The following RGSL1 variants were observed in gnomAD, a reference collection of about 807,000 sequenced individuals.
The protein encoded by RGSL1 is regulator of G protein signaling like 1, also known as regulator of G protein signaling protein-like.
In RGSL1, 97 loss-of-function variants were observed where a neutral mutation model predicts 124.7. That is an observed-to-expected ratio of 0.78 (90% CI 0.66 to 0.92). The LOEUF is 0.92. Among genes scored for constraint, RGSL1 ranks in the 40% least tolerant of loss-of-function variants. The pLI, the probability that RGSL1 is intolerant of heterozygous loss-of-function variation, is 0.00. For missense variants in RGSL1, 1,233 were observed against 1,288.4 expected (o/e 0.96, Z 0.66); for synonymous variants, 424 against 438.1 (o/e 0.97, Z 0.40).
rs1436964736 is a variant in RGSL1, at chr1:182,553,503, T to TG, written c.3093dup (p.Gln1032AlafsTer55). The TG allele has an allele frequency of 3.9e-6, 6 of 1,552,076 alleles. No individual in the cohort carries two copies. In the African/African-American group the frequency reaches 6.8e-5, roughly 18 times the overall value. On this transcript the variant is annotated frameshift_variant, in exon 19 of 22. Transcript: ENST00000294854. LOFTEE classifies it high-confidence loss of function. Reference sequence around the variant, plus strand: ...ACCTTGCTCAGAGGTATTGAGTGGTTGCAGCCTCAACGGGAAGCAATAAGT... The same window carrying TG: ...ACCTTGCTCAGAGGTATTGAGTGGTTGGCAGCCTCAACGGGAAGCAATAAGT...
At chr1:182,506,418 T>G (rs1346629880) in intron 9 of RGSL1, among the ~76,000 whole-genome samples, 3 of 152,188 alleles carry the variant, frequency 2.0e-5, no homozygotes, top group Non-Finnish European at 4.4e-5. Flanking sequence ...TACTTTCAAT[T>G]TTTGCTTTAT....
intron 9 of RGSL1, among the ~76,000 whole-genome samples, chr1:182,520,962 A>T (rs1658291369): frequency 6.6e-6 from 1 of 152,208 alleles, no homozygotes; most frequent in African/African-American, 2.4e-5. Context: ...TCTGCCCTTG[A>T]TGAGTTCATA....
In RGSL1 at chr1:182,489,019, G is replaced by GA; in HGVS notation, c.1536dup (p.Phe513IlefsTer12). 6.4e-7 allele frequency: 1 copy of GA among 1,551,426 alleles called. No homozygotes were observed. Among genetic ancestry groups the GA allele is most frequent in the Non-Finnish European group, 8.7e-7 (1 of 1,146,992 alleles). ...CATCAGCTCCAGACAGCATAAAAGA[G>GA]AATTTATAGGCAAAGAAGAGAACAT... On this transcript the variant is annotated frameshift_variant, in exon 8 of 22. Transcript: ENST00000294854. LOFTEE classifies it high-confidence loss of function.
At chr1:182,559,343 C>G (rs1661040722) in intron 21 of RGSL1, among the ~76,000 whole-genome samples, 1 of 152,152 alleles carries the variant, frequency 6.6e-6, no homozygotes, top group Non-Finnish European at 1.5e-5. Context: ...AGCTAGAAAA[C>G]TCAGAATCAT....
chr1:182,553,438 T>C lies in RGSL1; in HGVS notation c.3044-17T>C. The C allele has an allele frequency of 2.6e-6, 4 of 1,549,382 alleles. No individual in the cohort carries two copies. Among genetic ancestry groups the C allele is most frequent in the South Asian group, 2.4e-5 (2 of 83,820 alleles). ...TTGTCGCAGGTGTTTTTAATGCTTG[T>C]TTTTGTCCTTCCCCAGGAGACAATG... On this transcript the variant is annotated splice_polypyrimidine_tract_variant and intron_variant, in intron 18 of 21. Coordinates refer to ENST00000294854, the MANE Select transcript of RGSL1 (RefSeq NM_001137669.2).
At chr1:182,485,582 T>C (rs647986) in intron 6 of RGSL1, among the ~76,000 whole-genome samples, 11,920 of 152,226 alleles carry the variant, frequency 0.078, 641 homozygotes, top group East Asian at 0.25. Flanking sequence ...ATCAGACACA[T>C]ATAACCTTAG....
intron 9 of RGSL1, among the ~76,000 whole-genome samples, chr1:182,502,802 C>T (rs1194012430): frequency 1.3e-5 from 2 of 151,018 alleles, no homozygotes; most frequent in African/African-American, 2.4e-5. Flanking sequence ...TTTTAATATA[C>T]GCATTTGTAG....
chr1:182,530,434 G>T (rs1401545153), intron 12 of RGSL1, 73 bp downstream of exon 12: 9 of 1,177,546 alleles, frequency 7.6e-6, no homozygotes, highest in Non-Finnish European at 1.1e-5. Flanking sequence ...TATGCATCAA[G>T]GGTTTCCTAA....
intron 9 of RGSL1, among the ~76,000 whole-genome samples, chr1:182,514,065 T>C: frequency 8.2e-6 from 1 of 121,688 alleles, no homozygotes; most frequent in East Asian, 2.3e-4. Flanking sequence ...GGCTAATTTT[T>C]GTATTTTTGG....
At chr1:182,539,035 G>GATATTTACA (rs1659724633) in intron 14 of RGSL1, among the ~76,000 whole-genome samples, 1 of 152,194 alleles carries the variant, frequency 6.6e-6, no homozygotes, top group South Asian at 2.1e-4. Context: ...TGATTGGTAA[G>GATATTTACA]AGCCAGCTGT....
At chr1:182,549,592 GT>G (rs778288416) in intron 17 of RGSL1, 1 of 152,160 alleles carries the variant, frequency 6.6e-6, no homozygotes, top group Non-Finnish European at 1.5e-5. Context: ...TTGGGTGGTA[GT>G]GACCAGAGGA....
intron 9 of RGSL1, among the ~76,000 whole-genome samples, chr1:182,499,774 T>C (rs1173168800): frequency 6.6e-6 from 1 of 152,248 alleles, no homozygotes; most frequent in Non-Finnish European, 1.5e-5. Context: ...CAATGGCCTA[T>C]GTACTTAAGT....
intron 9 of RGSL1, among the ~76,000 whole-genome samples, chr1:182,519,649 T>G (rs1658178328): frequency 1.3e-5 from 2 of 152,128 alleles, no homozygotes; most frequent in South Asian, 4.1e-4. Flanking sequence ...ATTATCTCCT[T>G]AAGTATTTTT....
chr1:182,504,867 T>A (rs926404948), intron 9 of RGSL1, among the ~76,000 whole-genome samples: 4 of 152,172 alleles, frequency 2.6e-5, no homozygotes, highest in African/African-American at 9.7e-5. Context: ...ACCACTTATA[T>A]AACTCTTCTT....
chr1:182,483,194 G>A (rs561579), intron 6 of RGSL1, among the ~76,000 whole-genome samples: 32,282 of 151,868 alleles, frequency 0.21, 4,273 homozygotes, highest in East Asian at 0.37. Flanking sequence ...ATCATTTAAC[G>A]ATTCTATATT....
rs895141670 is a variant in RGSL1 at position 182,548,455 on chromosome 1, G to C, written c.2808G>C (p.Arg936Ser). 7 of 1,551,424 alleles carry C rather than the reference G, an allele frequency of 4.5e-6. No homozygotes were observed. In the East Asian group the frequency reaches 1.5e-4, roughly 32 times the overall value. The change falls in exon 16 of 22, where the codon AGG becomes AGC. Residue 936 changes from arginine to serine, a missense_variant and splice_region_variant. Physicochemically the swap from Arg to Ser is moderately radical, Grantham distance 110. Transcript: ENST00000294854. ...FLNSDIPPKL[R>S]VNVPEFQKDA... ...ATTCTGACATCCCTCCAAAGCTGAG[G>C]GTAAGAAAGACTCCCACTCCACTCT...
intron 1 of RGSL1, chr1:182,450,520 C>T (rs552841528): frequency 2.4e-5 from 8 of 333,246 alleles, no homozygotes; most frequent in African/African-American, 1.4e-4. Context: ...ATTATTATGG[C>T]GTGGAATGGG....
At chr1:182,531,719 C>T (rs1659186666) in intron 13 of RGSL1, among the ~76,000 whole-genome samples, 1 of 152,092 alleles carries the variant, frequency 6.6e-6, no homozygotes, top group African/African-American at 2.4e-5. Flanking sequence ...GATTACTGTA[C>T]CCAGAACCAG....
intron 9 of RGSL1, among the ~76,000 whole-genome samples, chr1:182,520,914 G>C (rs777440980): frequency 1.3e-5 from 2 of 152,104 alleles, no homozygotes; most frequent in Non-Finnish European, 2.9e-5. Flanking sequence ...ACTAGGTCAT[G>C]TTCTAATTTC....
Sources: gnomAD v4.1 joint callset for allele counts (sites outside exome capture counted in the v4.1 genomes callset) on GRCh38, gnomAD v4.1.1 for gene constraint, MANE v1.5 for transcripts, NCBI Gene and HGNC (gene_info 2026-07-23, HGNC 2026-07-21) for gene names.